SMIM3: variants seen among roughly 807,000 people sequenced by gnomAD.
SMIM3 encodes small integral membrane protein 3, also known as NGF-induced differentiation clone 67 protein.
A neutral mutation model predicts 2.1 loss-of-function variants in SMIM3; 4 were observed. That is an observed-to-expected ratio of 1.89 (90% CI 0.93 to 4.31). The LOEUF is 4.31. Ranked by LOEUF, SMIM3 falls within the 30% of genes most tolerant of loss-of-function variation. The pLI, the probability that SMIM3 is intolerant of heterozygous loss-of-function variation, is 0.01. For missense variants in SMIM3, 79 were observed against 77.7 expected, an observed-to-expected ratio of 1.02 and a Z score of -0.06; for synonymous variants, 29 against 30.8, an observed-to-expected ratio of 0.94 and a Z score of 0.19.
chr5:150,794,149 T>G (rs1003163808), intron 1 of SMIM3, among the ~76,000 whole-genome samples: 2 of 152,050 alleles, frequency 1.3e-5, no homozygotes, highest in Non-Finnish European at 2.9e-5. Context: ...AGAATGGCCA[T>G]AATAAAAAGA....
intron 1 of SMIM3, among the ~76,000 whole-genome samples, chr5:150,779,249 A>G (rs1753207196): frequency 6.6e-6 from 1 of 151,590 alleles, no homozygotes; most frequent in Non-Finnish European, 1.5e-5. Context: ...CCCCAGCCCC[A>G]CTCGGAGACT....
At chr5:150,788,016 A>G (rs1049835097) in intron 1 of SMIM3, among the ~76,000 whole-genome samples, 7 of 152,208 alleles carry the variant, frequency 4.6e-5, no homozygotes, top group African/African-American at 1.4e-4. Flanking sequence ...TAAAAACAGT[A>G]TTGTCCTGTC....
intron 1 of SMIM3, among the ~76,000 whole-genome samples, chr5:150,785,919 T>C (rs1406733387): frequency 1.3e-5 from 2 of 152,204 alleles, no homozygotes; most frequent in African/African-American, 4.8e-5. Flanking sequence ...TTCCAATTTA[T>C]GTATTCTGCT....
intron 1 of SMIM3, among the ~76,000 whole-genome samples, chr5:150,791,113 C>T (rs929362457): frequency 6.6e-6 from 1 of 152,056 alleles, no homozygotes; most frequent in Non-Finnish European, 1.5e-5. Flanking sequence ...GTCCAGCTCC[C>T]GAAAAGGTAA....
chr5:150,795,556 T>C lies in SMIM3; in HGVS notation c.116T>C (p.Leu39Pro), dbSNP rs554478573. 5 of 1,606,698 alleles carry C rather than the reference T, an allele frequency of 3.1e-6. No individual in the cohort carries two copies. The African/African-American group carries it at 4.0e-5, about 13-fold the overall frequency. Residue 39 changes from leucine to proline, a missense_variant, in exon 2 of 2, where the codon CTG becomes CCG. By Grantham distance (98) the Leu-to-Pro change is moderately conservative. Coordinates refer to ENST00000526627, the MANE Select transcript of SMIM3 (RefSeq NM_032947.5). ...ATIVIMTSLL[L>P]CPATAVIIYR... is the part of the protein sequence containing the mutation. ...ATTGTCATCATGACCTCGTTGTTGC[T>C]GTGCCCAGCCACTGCAGTAATCATC...
At chr5:150,789,923 C>T (rs139567313) in intron 1 of SMIM3, among the ~76,000 whole-genome samples, 5 of 152,286 alleles carry the variant, frequency 3.3e-5, no homozygotes, top group African/African-American at 4.8e-5. Context: ...TCTACTAGAG[C>T]AGCCTTACTT....
At chr5:150,783,369 G>T (rs535792998) in intron 1 of SMIM3, among the ~76,000 whole-genome samples, 2 of 152,248 alleles carry the variant, frequency 1.3e-5, no homozygotes, top group African/African-American at 4.8e-5. Context: ...GGTGGACAAT[G>T]CTGGCAAACC....
chr5:150,785,029 G>C (rs898874892), intron 1 of SMIM3, among the ~76,000 whole-genome samples: 11 of 121,036 alleles, frequency 9.1e-5, no homozygotes, highest in Non-Finnish European at 1.9e-5. Context: ...TCCAGAATTT[G>C]TTTGTTATTG....
At chr5:150,781,599 A>T (rs1753233103) in intron 1 of SMIM3, among the ~76,000 whole-genome samples, 1 of 152,186 alleles carries the variant, frequency 6.6e-6, no homozygotes. Flanking sequence ...ATAGGATCAT[A>T]TTCAAGATTC....
intron 1 of SMIM3, among the ~76,000 whole-genome samples, chr5:150,790,921 G>A (rs1406919479): frequency 6.6e-6 from 1 of 151,936 alleles, no homozygotes. Context: ...AATTGTATAT[G>A]TGTGTTTTTA....
chr5:150,789,587 A>G (rs1280843576), intron 1 of SMIM3, among the ~76,000 whole-genome samples: 3 of 152,122 alleles, frequency 2.0e-5, no homozygotes, highest in Non-Finnish European at 2.9e-5. Flanking sequence ...CTTTCACACT[A>G]TGTTCTGAGG....
chr5:150,788,335 G>A (rs182746929), intron 1 of SMIM3, among the ~76,000 whole-genome samples: 1 of 152,134 alleles, frequency 6.6e-6, no homozygotes. Context: ...CTTAAAAGAG[G>A]GGATGAATTT....
intron 1 of SMIM3, among the ~76,000 whole-genome samples, chr5:150,787,460 T>G (rs1753304527): frequency 6.6e-6 from 1 of 152,176 alleles, no homozygotes; most frequent in Non-Finnish European, 1.5e-5. Context: ...CTGAAAACAG[T>G]GTTTGACCTG....
chr5:150,788,733 A>G (rs543966558), intron 1 of SMIM3, among the ~76,000 whole-genome samples: 1 of 151,924 alleles, frequency 6.6e-6, no homozygotes, highest in Admixed American at 6.6e-5. Flanking sequence ...TTGTTAGTGG[A>G]CACAAAATAG....
At chr5:150,784,721 T>C (rs1266775200) in intron 1 of SMIM3, among the ~76,000 whole-genome samples, 5 of 152,222 alleles carry the variant, frequency 3.3e-5, no homozygotes, top group Non-Finnish European at 7.3e-5. Flanking sequence ...AAAAAATATA[T>C]ATGTATGTGT....
intron 1 of SMIM3, among the ~76,000 whole-genome samples, chr5:150,790,745 T>G (rs1753341497): frequency 6.6e-6 from 1 of 152,032 alleles, no homozygotes; most frequent in South Asian, 2.1e-4. Flanking sequence ...ACCTGGACAA[T>G]GGGAAAAAAG....
chr5:150,783,821 A>G (rs1259078919), intron 1 of SMIM3, among the ~76,000 whole-genome samples: 1 of 152,046 alleles, frequency 6.6e-6, no homozygotes, highest in Non-Finnish European at 1.5e-5. Context: ...TTTTTTACTT[A>G]AAAAAACTTT....
intron 1 of SMIM3, among the ~76,000 whole-genome samples, chr5:150,785,079 A>C (rs1418767275): frequency 7.0e-6 from 1 of 142,814 alleles, no homozygotes; most frequent in African/African-American, 2.6e-5. Context: ...TTTTCTGAAA[A>C]TGTCTTTTTT....
chr5:150,780,745 T>C (rs1194538792), intron 1 of SMIM3, among the ~76,000 whole-genome samples: 1 of 152,172 alleles, frequency 6.6e-6, no homozygotes, highest in Non-Finnish European at 1.5e-5. Context: ...CTTTAAACGT[T>C]GTGCCTCCAT....
Sources: gnomAD v4.1 joint callset for allele counts (sites outside exome capture counted in the v4.1 genomes callset) on GRCh38, gnomAD v4.1.1 for gene constraint, MANE v1.5 for transcripts, NCBI Gene and HGNC (gene_info 2026-07-23, HGNC 2026-07-21) for gene names.